TNRC6A: variants seen among roughly 807,000 people sequenced by gnomAD.
TNRC6A encodes the protein trinucleotide repeat-containing gene 6A protein.
A neutral mutation model predicts 221.2 loss-of-function variants in TNRC6A; 44 were observed. The ratio of observed to expected loss-of-function variants is 0.20; its 90% CI spans 0.16 to 0.26. The LOEUF (loss-of-function observed/expected upper bound fraction) is 0.26, where lower values mean the gene tolerates loss of function less well. Among genes scored for constraint, TNRC6A ranks in the 10% least tolerant of loss-of-function variants. TNRC6A has a pLI of 1.00. For missense variants in TNRC6A, 2,199 were observed against 2,404.4 expected (o/e 0.91, Z 1.79); for synonymous variants, 847 against 838.5 (o/e 1.01, Z -0.18).
At chr16:24,706,979 T>TTTTATTTATTTATTTATTTA (rs762561225) in intron 2 of TNRC6A, among the ~76,000 whole-genome samples, 4 of 140,440 alleles carry the variant, frequency 2.8e-5, no homozygotes, top group Admixed American at 2.2e-4. Context: ...ATTTATCTAT[T>TTTTATTTATTTATTTATTTA]TTTATTTATG....
chr16:24,761,605 G>T (rs554859918), intron 4 of TNRC6A, among the ~76,000 whole-genome samples: 1 of 151,690 alleles, frequency 6.6e-6, no homozygotes, highest in Non-Finnish European at 1.5e-5. Flanking sequence ...GGAGTGTAGT[G>T]CACAATCATA....
rs1306263397 is a variant in TNRC6A at position 24,797,584 on chromosome 16, C to G, written c.3642+14C>G. The G allele has an allele frequency of 6.4e-7, 1 of 1,572,612 alleles. No homozygotes were observed. Among genetic ancestry groups the G allele is most frequent in the African/African-American group, 1.4e-5 (1 of 73,816 alleles). On this transcript the variant is annotated intron_variant, in intron 10 of 24. Coordinates refer to ENST00000395799, the MANE Select transcript of TNRC6A (RefSeq NM_014494.4). ...ATCAGTTTTTCGGTAAGTATGTTTT[C>G]TTAGCAGCTCCTTCCTCTTTTAATG... is the stretch of plus-strand genomic sequence containing the variant.
At chr16:24,616,089 G>A (rs1241662061) in intron 1 of TNRC6A, among the ~76,000 whole-genome samples, 1 of 152,042 alleles carries the variant, frequency 6.6e-6, no homozygotes, top group East Asian at 1.9e-4. Flanking sequence ...CTACTCAGTA[G>A]ACTGAGATGG....
At chr16:24,772,550 C>T (rs2057633769) in intron 4 of TNRC6A, among the ~76,000 whole-genome samples, 2 of 151,608 alleles carry the variant, frequency 1.3e-5, no homozygotes, top group South Asian at 4.2e-4. Flanking sequence ...TTTGGGAGGC[C>T]AAGGCAGGAG....
chr16:24,778,608 C>T (rs1159097825), intron 5 of TNRC6A: 2 of 511,250 alleles, frequency 3.9e-6, no homozygotes, highest in East Asian at 3.0e-4. Flanking sequence ...ACCTTCTTTG[C>T]TAATCTGTAA....
intron 2 of TNRC6A, among the ~76,000 whole-genome samples, chr16:24,719,095 A>G (rs2056366523): frequency 6.6e-6 from 1 of 151,974 alleles, no homozygotes; most frequent in Admixed American, 6.6e-5. Flanking sequence ...ATGGAAAATT[A>G]TTTATTCATT....
chr16:24,713,445 CAAACA>C (rs869162435), intron 2 of TNRC6A, among the ~76,000 whole-genome samples: 2 of 79,990 alleles, frequency 2.5e-5, no homozygotes, highest in Non-Finnish European at 5.2e-5. Flanking sequence ...AACAAACAAA[CAAACA>C]AAAAAATATA....
At chr16:24,820,087 T>C (rs754752319) in intron 21 of TNRC6A, 52 bp from the exon 22 acceptor site, 2 of 1,511,774 alleles carry the variant, frequency 1.3e-6, no homozygotes, top group Admixed American at 3.4e-5. Flanking sequence ...TTAAATTTCC[T>C]CCTTTCTTAA....
At chr16:24,751,285 A>G (rs2057131591) in intron 3 of TNRC6A, among the ~76,000 whole-genome samples, 1 of 152,148 alleles carries the variant, frequency 6.6e-6, no homozygotes, top group Admixed American at 6.5e-5. Flanking sequence ...ATAGAGTATT[A>G]AAGGAAAATG....
At chr16:24,774,968 GGTTT>G (rs1285848916) in intron 4 of TNRC6A, among the ~76,000 whole-genome samples, 1 of 151,912 alleles carries the variant, frequency 6.6e-6, no homozygotes, top group Non-Finnish European at 1.5e-5. Context: ...TTTTATTTTT[GGTTT>G]GTTTGTTTGC....
chr16:24,713,448 AC>A (rs75949013), intron 2 of TNRC6A, among the ~76,000 whole-genome samples: 28,092 of 126,280 alleles, frequency 0.22, 2,953 homozygotes, highest in South Asian at 0.36. Context: ...AAACAAACAA[AC>A]AAAAAAATAT....
chr16:24,816,528 T>G, intron 19 of TNRC6A: 1 of 268,030 alleles, frequency 3.7e-6, no homozygotes, highest in Non-Finnish European at 7.1e-6. Flanking sequence ...ATATATATGA[T>G]TTTTTAACAC....
At chr16:24,715,601 GTTTC>G (rs1478194847) in intron 2 of TNRC6A, among the ~76,000 whole-genome samples, 1 of 124,124 alleles carries the variant, frequency 8.1e-6, no homozygotes, top group Non-Finnish European at 1.6e-5. Flanking sequence ...TTCTTGAGTA[GTTTC>G]TTTTTTTTTT....
rs150474828 is a variant in TNRC6A, at chr16:24,790,474, A to G, written c.1832A>G (p.Asn611Ser). ...ACCCCTGCACAAAACACTGGCACTA[A>G]TTTACCCAGCGTTGAGTGGAACAAA... ...WGTPAQNTGT[N>S]LPSVEWNKLP... Residue 611 changes from asparagine (N) to serine (S), a missense_variant, in exon 6 of 25, where the codon AAT becomes AGT. Physicochemically the swap from Asn to Ser is conservative, Grantham distance 46. Coordinates refer to ENST00000395799, the MANE Select transcript of TNRC6A (RefSeq NM_014494.4). 118 of 1,614,114 alleles carry G rather than the reference A, an allele frequency of 7.3e-5. No individual in the cohort carries two copies. In the African/African-American group the frequency reaches 1.4e-3, roughly 19 times the overall value.
At chr16:24,816,664 T>C (rs2058665131) in intron 19 of TNRC6A, 152 bp from the exon 20 acceptor site, 3 of 865,960 alleles carry the variant, frequency 3.5e-6, no homozygotes, top group Non-Finnish European at 5.1e-6. Context: ...TAATACTAAT[T>C]GTATTAACTG....
chr16:24,618,642 A>ATTTTT (rs61228496), intron 1 of TNRC6A, among the ~76,000 whole-genome samples: 5 of 88,064 alleles, frequency 5.7e-5, no homozygotes, highest in East Asian at 2.7e-4. Context: ...CATTTCATGA[A>ATTTTT]TTTTTTTTTT....
At chr16:24,654,650 C>CGG (rs1381719114) in intron 2 of TNRC6A, among the ~76,000 whole-genome samples, 3 of 151,790 alleles carry the variant, frequency 2.0e-5, no homozygotes, top group African/African-American at 7.3e-5. Flanking sequence ...ACCCAGGAGG[C>CGG]GGAGGTTGCA....
intron 5 of TNRC6A, among the ~76,000 whole-genome samples, chr16:24,786,433 C>A (rs2057970652): frequency 6.6e-6 from 1 of 151,710 alleles, no homozygotes. Context: ...TCATGCCATT[C>A]TGCCTCAGCC....
intron 2 of TNRC6A, among the ~76,000 whole-genome samples, chr16:24,717,361 T>C (rs2056332453): frequency 6.6e-6 from 1 of 152,188 alleles, no homozygotes; most frequent in Admixed American, 6.5e-5. Flanking sequence ...ATGTACATTC[T>C]CCAATGTAGC....
Sources: gnomAD v4.1 joint callset for allele counts (sites outside exome capture counted in the v4.1 genomes callset) on GRCh38, gnomAD v4.1.1 for gene constraint, MANE v1.5 for transcripts, NCBI Gene and HGNC (gene_info 2026-07-23, HGNC 2026-07-21) for gene names.